The following CCNE1 variants were observed in gnomAD, a reference collection of about 807,000 sequenced individuals.
CCNE1 encodes G1/S-specific cyclin-E1.
Under a neutral mutation model 54.1 loss-of-function variants are expected in CCNE1, and 8 were observed. The ratio of observed to expected loss-of-function variants is 0.15; its 90% CI spans 0.09 to 0.27. The LOEUF (loss-of-function observed/expected upper bound fraction) is 0.27. CCNE1 is among the 10% of genes least tolerant of loss of function. The probability of loss-of-function intolerance (pLI) is 1.00; values close to 1 mark genes in which losing one functional copy is unlikely to be tolerated. For missense variants in CCNE1, 430 were observed against 514.9 expected (o/e 0.84, Z 1.60); for synonymous variants, 179 against 185.2 (o/e 0.97, Z 0.27).
intron 4 of CCNE1, among the ~76,000 whole-genome samples, chr19:29,816,808 C>T (rs1277302139): frequency 2.0e-5 from 3 of 151,338 alleles, no homozygotes; most frequent in Non-Finnish European, 4.4e-5. Flanking sequence ...CCCATTAACT[C>T]ATCATTTAAC....
chr19:29,814,914 C>T (rs1469055223), intron 4 of CCNE1, among the ~76,000 whole-genome samples: 1 of 152,176 alleles, frequency 6.6e-6, no homozygotes, highest in Non-Finnish European at 1.5e-5. Context: ...GAATCCTGGA[C>T]TGTTACTTTT....
chr19:29,820,100 G>C (rs1011358778), intron 6 of CCNE1, among the ~76,000 whole-genome samples: 6 of 152,252 alleles, frequency 3.9e-5, no homozygotes, highest in African/African-American at 1.4e-4. Flanking sequence ...TTGAACACCA[G>C]CACTGCTGTG....
intron 4 of CCNE1, among the ~76,000 whole-genome samples, chr19:29,814,802 C>G (rs1973973687): frequency 6.6e-6 from 1 of 152,154 alleles, no homozygotes; most frequent in Admixed American, 6.6e-5. Context: ...TCATCTTAGG[C>G]TGTTCTTAAT....
rs1167935768 is a variant in CCNE1, at chr19:29,822,055, G to A, written c.765G>A (p.Gln255=). 13 of 1,613,224 alleles carry A rather than the reference G, an allele frequency of 8.1e-6. No homozygotes were observed. The highest frequency in any genetic ancestry group is 1.3e-5 in the African/African-American group (1 of 74,914). ...TGTCCTGGCTGAATGTATACATGCA[G>A]GTTGCATATCTAAATGACTTACATG... is the stretch of plus-strand genomic sequence containing the variant. ...TIVSWLNVYM[Q]VAYLNDLHEV... The change falls in exon 9 of 12, where the codon CAG becomes CAA. Residue 255 remains glutamine, a synonymous_variant. Coordinates refer to ENST00000262643, the MANE Select transcript of CCNE1 (RefSeq NM_001238.4).
intron 4 of CCNE1, among the ~76,000 whole-genome samples, chr19:29,815,645 G>A (rs12609867): frequency 0.24 from 34,291 of 141,174 alleles, 3,852 homozygotes; most frequent in South Asian, 0.38. Context: ...TTTTTTGGGG[G>A]GGGGACAGAG....
Position 29,821,825 on chromosome 19 carries a change from C to G in CCNE1, c.705+8C>G, listed in dbSNP as rs1480561814. ...GAATTAATGATTATGAAGGTGGGTTCCAGTGAATTTTCCGGCCATTTTTTA... is the reference window on the plus strand; with the variant it reads ...GAATTAATGATTATGAAGGTGGGTTGCAGTGAATTTTCCGGCCATTTTTTA... On this transcript the variant is annotated splice_region_variant and intron_variant, in intron 8 of 11. Coordinates refer to ENST00000262643, the MANE Select transcript of CCNE1 (RefSeq NM_001238.4). 1.3e-6 allele frequency: 2 copies of G among 1,599,260 alleles called. No homozygotes were observed. The highest frequency in any genetic ancestry group is 1.7e-6 in the Non-Finnish European group (2 of 1,166,732).
chr19:29,820,977 G>A, intron 7 of CCNE1, 129 bp downstream of exon 7: 1 of 675,498 alleles, frequency 1.5e-6, no homozygotes, highest in Middle Eastern at 4.2e-4. Context: ...ACCCTGTAAA[G>A]TTAAGACACA....
At chr19:29,816,232 T>C (rs1264818553) in intron 4 of CCNE1, among the ~76,000 whole-genome samples, 1 of 151,648 alleles carries the variant, frequency 6.6e-6, no homozygotes, top group Non-Finnish European at 1.5e-5. Context: ...CTGCCTAATA[T>C]CTTTAGCAAA....
chr19:29,821,547 CTTTTTTTTTTTTTT>C (rs35368977), intron 7 of CCNE1, among the ~76,000 whole-genome samples, 161 bp from the exon 8 acceptor site: 3 of 110,442 alleles, frequency 2.7e-5, no homozygotes, highest in African/African-American at 1.0e-4. Flanking sequence ...GAGTTGTGTT[CTTTTTTTTTTTTTT>C]TTTTTTTTTT....
intron 4 of CCNE1, among the ~76,000 whole-genome samples, chr19:29,815,503 G>A (rs1049130470): frequency 2.0e-5 from 3 of 152,078 alleles, no homozygotes; most frequent in African/African-American, 4.8e-5. Flanking sequence ...CGGCCAATGT[G>A]TTGTGGTCGC....
In CCNE1 at chr19:29,821,998, C is replaced by G. The variant is rs142329560; in HGVS notation, c.708C>G (p.Ala236=). The G allele has an allele frequency of 6.2e-7, 1 of 1,609,146 alleles. No individual in the cohort carries two copies. The highest frequency in any genetic ancestry group is 1.3e-5 in the African/African-American group (1 of 74,622). ...ILTMELMIMK[A]LKWRLSPLTI... is the part of the protein sequence containing the mutation. ...CTTTTCTCTCTGTTTTCCTTTAGGC[C>G]CTTAAGTGGCGTTTAAGTCCCCTGA... Residue 236 remains alanine (A), a splice_region_variant and synonymous_variant, in exon 9 of 12, where the codon GCC becomes GCG. Coordinates refer to ENST00000262643, the MANE Select transcript of CCNE1 (RefSeq NM_001238.4).
chr19:29,822,669 C>T (rs3218069), intron 11 of CCNE1, 66 bp downstream of exon 11: 550,091 of 1,512,874 alleles, frequency 0.36, 105,719 homozygotes, highest in Non-Finnish European at 0.4. Context: ...ATAGGCCAGC[C>T]GCGGTGGTTC....
intron 7 of CCNE1, among the ~76,000 whole-genome samples, chr19:29,821,440 G>A (rs1323954412): frequency 6.6e-6 from 1 of 151,948 alleles, no homozygotes; most frequent in Middle Eastern, 3.2e-3. Flanking sequence ...GGGTATATGG[G>A]CCCAACTTTC....
At chr19:29,819,603 CTA>C (rs2145725122) in intron 6 of CCNE1, among the ~76,000 whole-genome samples, 1 of 152,296 alleles carries the variant, frequency 6.6e-6, no homozygotes, top group East Asian at 1.9e-4. Context: ...TTGGTCCACA[CTA>C]TTTTATTTCT....
intron 6 of CCNE1, among the ~76,000 whole-genome samples, chr19:29,817,993 C>T (rs1974065767): frequency 7.0e-6 from 1 of 143,572 alleles, no homozygotes; most frequent in African/African-American, 2.6e-5. Context: ...TCCTGAGTAG[C>T]TGGGATTACA....
chr19:29,820,831 A>C lies in CCNE1; in HGVS notation c.592A>C (p.Ile198Leu). 2 of 1,596,446 alleles carry C rather than the reference A, an allele frequency of 1.3e-6. No individual in the cohort carries two copies. Among genetic ancestry groups the C allele is most frequent in the Non-Finnish European group, 1.7e-6 (2 of 1,167,216 alleles). ...GCTTATTGGGATTTCATCTTTATTT[A>C]TTGCAGCCAAACTTGAGGTAAATAA... Reference protein sequence around the residue: ...LQLIGISSLFIAAKLEEIYPP... With the variant: ...LQLIGISSLFLAAKLEEIYPP... The change falls in exon 7 of 12, where the codon ATT (isoleucine) becomes CTT (leucine). Residue 198 changes from isoleucine to leucine, a missense_variant. Around this residue, in one of 2 missense-constraint regions of CCNE1, gnomAD observed 303 missense variants for 401.1 expected, o/e 0.76. Coordinates refer to ENST00000262643, the MANE Select transcript of CCNE1 (RefSeq NM_001238.4).
At chr19:29,818,606 A>G (rs1974081013) in intron 6 of CCNE1, among the ~76,000 whole-genome samples, 1 of 152,018 alleles carries the variant, frequency 6.6e-6, no homozygotes. Flanking sequence ...TCCCTTTTCC[A>G]CCATTCCCAT....
intron 1 of CCNE1, among the ~76,000 whole-genome samples, 151 bp downstream of exon 1, chr19:29,812,303 T>G (rs1434357094): frequency 2.3e-4 from 28 of 121,702 alleles, no homozygotes; most frequent in Non-Finnish European, 4.3e-4. Flanking sequence ...CGGGGTGGGG[T>G]GGAGGGGACA....
In CCNE1 at chr19:29,823,711, C is replaced by T. The variant is rs745759800; in HGVS notation, c.1167C>T (p.Leu389=). ...CTGAACAAAATAGGGCTTCTCCTCT[C>T]CCCAGTGGGCTCCTCACCCCGCCAC... ...MLSEQNRASP[L]PSGLLTPPQS... The change falls in exon 12 of 12, where the codon CTC becomes CTT. Residue 389 remains leucine, a synonymous_variant. Transcript: ENST00000262643. 6.2e-7 allele frequency: 1 copy of T among 1,614,146 alleles called. No individual in the cohort carries two copies.
Sources: allele counts gnomAD v4.1 joint callset (sites outside exome capture counted in the v4.1 genomes callset), GRCh38; gene constraint gnomAD v4.1.1; regional missense constraint gnomAD v4.1.1; transcripts MANE v1.5; gene names NCBI Gene and HGNC (gene_info 2026-07-23, HGNC 2026-07-21).